The following ZC3H7B variants were observed in gnomAD, a reference collection of about 807,000 sequenced individuals.
ZC3H7B encodes zinc finger CCCH domain-containing protein 7B.
A neutral mutation model predicts 116.0 loss-of-function variants in ZC3H7B; 35 were observed. The ratio of observed to expected loss-of-function variants is 0.30; its 90% CI spans 0.23 to 0.40. The LOEUF is 0.40. Ranked by LOEUF, ZC3H7B falls within the 10% of genes least tolerant of loss-of-function variation. The probability of loss-of-function intolerance (pLI) is 1.00; values close to 1 mark genes in which losing one functional copy is unlikely to be tolerated. For missense variants in ZC3H7B, 1,011 were observed against 1,321.5 expected (o/e 0.77, Z 3.64); for synonymous variants, 502 against 545.6 (o/e 0.92, Z 1.11).
intron 1 of ZC3H7B, among the ~76,000 whole-genome samples, chr22:41,319,779 A>G (rs1004065633): frequency 1.3e-5 from 2 of 152,168 alleles, no homozygotes; most frequent in African/African-American, 4.8e-5. Flanking sequence ...CTGTAATCCT[A>G]GCACTCTGGG....
rs1416455913 is a variant in ZC3H7B, at chr22:41,302,208, G to C, written c.-7+436G>C. ...GGGGCTGGCAGGGGCGTCGCTGGCA[G>C]GGCCCCCCTTCCTTTTGTGTTGTCC... is the stretch of plus-strand genomic sequence containing the variant. On this transcript the variant is annotated intron_variant, in intron 1 of 22. Transcript: ENST00000352645. This position sits in a 1 kb window ranked among gnomAD's most constrained non-coding sequence, Gnocchi z 5.7. Among the ~76,000 whole-genome samples, 1 of 151,980 alleles carries C rather than the reference G, an allele frequency of 6.6e-6. No homozygotes were observed. The highest frequency in any genetic ancestry group is 1.5e-5 in the Non-Finnish European group (1 of 67,938).
intron 1 of ZC3H7B, among the ~76,000 whole-genome samples, chr22:41,303,970 G>C (rs1349287965): frequency 6.6e-6 from 1 of 152,162 alleles, no homozygotes; most frequent in African/African-American, 2.4e-5. Flanking sequence ...TGTTAGCCAG[G>C]ATGGTCTTGA....
intron 6 of ZC3H7B, among the ~76,000 whole-genome samples, chr22:41,331,333 G>A (rs1315447727): frequency 6.8e-6 from 1 of 147,876 alleles, no homozygotes; most frequent in Non-Finnish European, 1.5e-5. Flanking sequence ...GGAGGATCAC[G>A]AGGTCAGGAG....
Position 41,349,252 on chromosome 22 carries a change from C to T in ZC3H7B, c.1899C>T (p.Phe633=), listed in dbSNP as rs2036627571. Residue 633 remains phenylalanine (F), a synonymous_variant, in exon 16 of 23, where the codon TTC becomes TTT. Transcript: ENST00000352645. The surrounding 1 kb of genome is among the most constrained non-coding windows in gnomAD (Gnocchi z 4.9). ...GCCTGCGGGAGGACAGCTGCCACTTCGCCCACAGCTTCATCGAGCTCAAGG... is the reference window on the plus strand; with the variant it reads ...GCCTGCGGGAGGACAGCTGCCACTTTGCCCACAGCTTCATCGAGCTCAAGG... The part of the protein sequence containing the change: ...YGCLREDSCH[F]AHSFIELKVW... 6.2e-7 allele frequency: 1 copy of T among 1,613,808 alleles called. No individual in the cohort carries two copies. The highest frequency in any genetic ancestry group is 8.5e-7 in the Non-Finnish European group (1 of 1,180,020).
intron 9 of ZC3H7B, 110 bp from the exon 10 acceptor site, chr22:41,339,706 T>C: frequency 2.0e-6 from 2 of 1,013,542 alleles, no homozygotes; most frequent in Non-Finnish European, 2.9e-6. Flanking sequence ...TGGGACAGGA[T>C]GAAGCCAGGC....
chr22:41,313,494 C>T (rs1205164147), intron 1 of ZC3H7B, among the ~76,000 whole-genome samples: 1 of 152,166 alleles, frequency 6.6e-6, no homozygotes, highest in Non-Finnish European at 1.5e-5. Context: ...GAAGGTTCAC[C>T]TGAGTGCCTG....
rs201598288 is a variant in ZC3H7B at position 41,346,160 on chromosome 22, C to T, written c.1617C>T (p.Ile539=). Residue 539 remains isoleucine, a synonymous_variant, in exon 14 of 23, where the codon ATC becomes ATT. Transcript: ENST00000352645. The surrounding 1 kb of genome is among the most constrained non-coding windows in gnomAD (Gnocchi z 5.3). ...LGGVKRGSLT[I]AKLLKEHQGI... ...GTGTTAAGCGCGGCAGCCTCACCAT[C>T]GCCAAGCTCCTGAAGGAGCACCAGG... 8.7e-6 allele frequency: 14 copies of T among 1,612,576 alleles called. No individual in the cohort carries two copies. Among genetic ancestry groups the T allele is most frequent in the East Asian group, 2.2e-5 (1 of 44,874 alleles).
chr22:41,326,021 GCCTC>G, intron 4 of ZC3H7B, 103 bp downstream of exon 4: 1 of 1,331,552 alleles, frequency 7.5e-7, no homozygotes. Flanking sequence ...ACCAGGGCCA[GCCTC>G]CTCCCAGCCT....
rs138512014 is a variant in ZC3H7B, at chr22:41,343,448, G to T, written c.1331G>T (p.Gly444Val). Reference protein sequence around the residue: ...PRAGDYTYREGLEHKCKRDIL... With the variant: ...PRAGDYTYREVLEHKCKRDIL... ...GCTGGCGACTACACCTACCGTGAGGGCCTTGAGCACAAGTGCAAGCGGGAC... is the reference window on the plus strand; with the variant it reads ...GCTGGCGACTACACCTACCGTGAGGTCCTTGAGCACAAGTGCAAGCGGGAC... The change falls in exon 13 of 23, where the codon GGC becomes GTC. Residue 444 changes from glycine (G) to valine (V), a missense_variant. By Grantham distance (109) the Gly-to-Val change is moderately radical. Coordinates refer to ENST00000352645, the MANE Select transcript of ZC3H7B (RefSeq NM_017590.6). The T allele has an allele frequency of 3.3e-5, 53 of 1,613,582 alleles. No individual in the cohort carries two copies. In the African/African-American group the frequency reaches 6.1e-4, roughly 19 times the overall value.
intron 1 of ZC3H7B, among the ~76,000 whole-genome samples, chr22:41,318,036 AT>A (rs34163082): frequency 0.029 from 4,485 of 152,272 alleles, 214 homozygotes; most frequent in African/African-American, 0.098. Context: ...GTGACAACAC[AT>A]TTTTTTGTAG....
chr22:41,347,351 G>C (rs2036599727), intron 14 of ZC3H7B, among the ~76,000 whole-genome samples: 1 of 152,254 alleles, frequency 6.6e-6, no homozygotes. Flanking sequence ...CCTGGCTTCA[G>C]TGGCCATTGC....
chr22:41,319,193 C>A (rs376096870), intron 1 of ZC3H7B, among the ~76,000 whole-genome samples: 169 of 152,054 alleles, frequency 1.1e-3, no homozygotes, highest in Middle Eastern at 0.01. Flanking sequence ...CGAGGTCAGG[C>A]GATCGAGACC....
chr22:41,356,943 G>C lies in ZC3H7B; in HGVS notation c.2681+135G>C, dbSNP rs551572897. On this transcript the variant is annotated intron_variant, in intron 22 of 22. Coordinates refer to ENST00000352645, the MANE Select transcript of ZC3H7B (RefSeq NM_017590.6). Reference sequence around the variant, plus strand: ...AGGCTTGGCTGTGACTGCAGCCATGGGGGTGGTGGGGAAGGGTGGATGGGA... The same window carrying C: ...AGGCTTGGCTGTGACTGCAGCCATGCGGGTGGTGGGGAAGGGTGGATGGGA... The C allele has an allele frequency of 1.4e-4, 197 of 1,387,548 alleles. 1 individual carries two copies. The African/African-American group carries it at 2.6e-3, about 19-fold the overall frequency. The allele number at this position is 1,387,548 out of a possible 1,614,324, so 86.0% of individuals were successfully genotyped here.
intron 4 of ZC3H7B, among the ~76,000 whole-genome samples, chr22:41,326,802 C>G (rs948581599): frequency 6.6e-6 from 1 of 152,236 alleles, no homozygotes; most frequent in Non-Finnish European, 1.5e-5. Context: ...AGGGTTAACC[C>G]TTGTACACTC....
chr22:41,320,748 G>T (rs776506616), intron 2 of ZC3H7B, 35 bp downstream of exon 2: 2 of 1,604,350 alleles, frequency 1.2e-6, no homozygotes, highest in East Asian at 2.2e-5. Context: ...GGACGGCTGG[G>T]TGGGCAAGGG....
At position 41,338,942 on chromosome 22, in the gene ZC3H7B, G is replaced by T; in HGVS notation, c.626-59G>T. The T allele has an allele frequency of 6.9e-7, 1 of 1,450,968 alleles. No homozygotes were observed. 89.9% of individuals were successfully genotyped at this position (1,450,968 alleles called of 1,614,324 possible). A position where few individuals can be genotyped will look rare whatever the true frequency, so the allele number is the denominator to read the frequency against. On this transcript the variant is annotated intron_variant, in intron 8 of 22. Transcript: ENST00000352645. The surrounding 1 kb of genome is among the most constrained non-coding windows in gnomAD (Gnocchi z 4.5). ...GGATGAGCATCACGGGGCCCGGGAC[G>T]CCTCCTCCACCCTCACCAAGCAGTG... is the stretch of plus-strand genomic sequence containing the variant.
intron 1 of ZC3H7B, among the ~76,000 whole-genome samples, chr22:41,317,958 G>T (rs1249493484): frequency 1.3e-5 from 2 of 152,168 alleles, no homozygotes; most frequent in Non-Finnish European, 2.9e-5. Flanking sequence ...AACTTTCCTA[G>T]CCTCTTGGAG....
chr22:41,347,474 C>T (rs1569242169), intron 14 of ZC3H7B, among the ~76,000 whole-genome samples: 1 of 152,198 alleles, frequency 6.6e-6, no homozygotes, highest in Non-Finnish European at 1.5e-5. Context: ...TAATTCCCTC[C>T]CCAAAGCTGT....
chr22:41,345,354 G>GA (rs1569241391), intron 13 of ZC3H7B, among the ~76,000 whole-genome samples: 1 of 152,144 alleles, frequency 6.6e-6, no homozygotes, highest in Admixed American at 6.5e-5. Flanking sequence ...GGGAGGCCGA[G>GA]GGGGGTGGAT....
Sources: allele counts gnomAD v4.1 joint callset (sites outside exome capture counted in the v4.1 genomes callset), GRCh38; gene constraint gnomAD v4.1.1; non-coding constraint Gnocchi (gnomAD v3.1); transcripts MANE v1.5; gene names NCBI Gene and HGNC (gene_info 2026-07-23, HGNC 2026-07-21).